ARHGEF18: variants seen among roughly 807,000 people sequenced by gnomAD.
The protein encoded by ARHGEF18 is Rho/Rac guanine nucleotide exchange factor 18.
Under a neutral mutation model 155.7 loss-of-function variants are expected in ARHGEF18, and 93 were observed. That is an observed-to-expected ratio of 0.60 (90% CI 0.50 to 0.71). The LOEUF (loss-of-function observed/expected upper bound fraction) is 0.71, where lower values mean the gene tolerates loss of function less well. Among genes scored for constraint, ARHGEF18 ranks in the 30% least tolerant of loss-of-function variants. ARHGEF18 has a pLI of 0.00. For missense variants in ARHGEF18, 1,593 were observed against 1,816.1 expected (o/e 0.88, Z 2.23); for synonymous variants, 742 against 753.1 (o/e 0.99, Z 0.24).
At chr19:7,461,528 C>T (rs547641810) in intron 20 of ARHGEF18, among the ~76,000 whole-genome samples, 11 of 151,866 alleles carry the variant, frequency 7.2e-5, no homozygotes, top group Non-Finnish European at 1.5e-4. Flanking sequence ...CCAGCCTGGG[C>T]GACAGAGCGA....
intron 27 of ARHGEF18, among the ~76,000 whole-genome samples, chr19:7,469,512 C>T (rs1238756273): frequency 3.3e-5 from 5 of 152,190 alleles, no homozygotes; most frequent in African/African-American, 1.2e-4. Context: ...CAGAGTGGGA[C>T]ACGGAGCCCA....
chr19:7,430,322 C>T (rs993087969), intron 10 of ARHGEF18, among the ~76,000 whole-genome samples: 1 of 152,080 alleles, frequency 6.6e-6, no homozygotes. Flanking sequence ...CTGCCTCAGC[C>T]TCCCGAGTGC....
At chr19:7,428,649 G>C (rs144392340) in intron 10 of ARHGEF18, among the ~76,000 whole-genome samples, 13 of 152,168 alleles carry the variant, frequency 8.5e-5, no homozygotes, top group African/African-American at 3.1e-4. Flanking sequence ...GGAGGCTGCA[G>C]CGAGCTATGA....
At chr19:7,368,603 C>T (rs1425309805) in intron 2 of ARHGEF18, among the ~76,000 whole-genome samples, 1 of 152,200 alleles carries the variant, frequency 6.6e-6, no homozygotes, top group East Asian at 1.9e-4. Context: ...TGGCTCCCAC[C>T]TCTGCCTCCT....
intron 10 of ARHGEF18, among the ~76,000 whole-genome samples, chr19:7,413,718 A>T (rs1425321212): frequency 3.9e-5 from 6 of 152,122 alleles, no homozygotes; most frequent in Non-Finnish European, 7.3e-5. Context: ...CTATGATTAT[A>T]CCACTATACT....
chr19:7,382,943 G>T, intron 9 of ARHGEF18, 49 bp downstream of exon 9: 1 of 1,232,502 alleles, frequency 8.1e-7, no homozygotes, highest in Non-Finnish European at 1.0e-6. Flanking sequence ...CCCCAGCTTG[G>T]CTTGCTGCCC....
intron 10 of ARHGEF18, among the ~76,000 whole-genome samples, chr19:7,399,702 G>A (rs191208382): frequency 3.7e-4 from 56 of 151,186 alleles, no homozygotes; most frequent in Middle Eastern, 3.5e-3. Context: ...GGATGGTCTC[G>A]ATTTCCTGAC....
At chr19:7,412,888 G>A (rs1046075905) in intron 10 of ARHGEF18, among the ~76,000 whole-genome samples, 1 of 152,086 alleles carries the variant, frequency 6.6e-6, no homozygotes, top group Non-Finnish European at 1.5e-5. Context: ...CTTTGGAGAC[G>A]TGTCTGTTTA....
In ARHGEF18 at chr19:7,372,963, G is replaced by C; in HGVS notation, c.167G>C (p.Gly56Ala). 1 of 1,234,592 alleles carries C rather than the reference G, an allele frequency of 8.1e-7. No individual in the cohort carries two copies. Among genetic ancestry groups the C allele is most frequent in the East Asian group, 3.2e-5 (1 of 31,716 alleles). 76.5% of individuals were successfully genotyped at this position (1,234,592 alleles called of 1,614,324 possible). A position where few individuals can be genotyped will look rare whatever the true frequency, so the allele number is the denominator to read the frequency against. The change falls in exon 3 of 29, where the codon GGT (glycine) becomes GCT (alanine). Residue 56 changes from glycine (G) to alanine (A), a missense_variant. By Grantham distance (60) the Gly-to-Ala change is moderately conservative (BLOSUM62 0). Coordinates refer to ENST00000668164, the MANE Select transcript of ARHGEF18 (RefSeq NM_001367823.1). ...PGETPDSRPTGEEPGRDSLFS... is the reference protein window; with the variant it reads ...PGETPDSRPTAEEPGRDSLFS... Reference sequence around the variant, plus strand: ...GAGACCCCAGACAGCCGCCCCACCGGTGAAGAACCAGGAAGAGATTCTCTT... The same window carrying C: ...GAGACCCCAGACAGCCGCCCCACCGCTGAAGAACCAGGAAGAGATTCTCTT...
Position 7,470,202 on chromosome 19 carries a change from A to C in ARHGEF18, c.3990A>C (p.Thr1330=). ...GCTTCTCTCTCAAGGCCGGGGGCAC[A>C]GCCCTCCTGCCCGGGCCCCCAGCTC... ...SEGFSLKAGG[T]ALLPGPPAPS... is the part of the protein sequence containing the mutation. The change falls in exon 29 of 29, where the codon ACA becomes ACC. Residue 1330 remains threonine, a synonymous_variant. Transcript: ENST00000668164. This position sits in a 1 kb window ranked among gnomAD's most constrained non-coding sequence, Gnocchi z 5.9. 1 of 1,610,986 alleles carries C rather than the reference A, an allele frequency of 6.2e-7. No individual in the cohort carries two copies. The highest frequency in any genetic ancestry group is 1.3e-5 in the African/African-American group (1 of 74,916).
At position 7,466,836 on chromosome 19, in the gene ARHGEF18, AAAGAAG is replaced by A. The variant is rs1555729789; in HGVS notation, c.2905-69_2905-64del. ...AAAAAAAAAAAAAAAAGTTAAAAAA[AAAGAAG>A]AAGAAGAAGAAGGCTTGAGTCTAGT... On this transcript the variant is annotated intron_variant, in intron 23 of 28. Transcript: ENST00000668164. 544 of 1,094,898 alleles carry A rather than the reference AAAGAAG, an allele frequency of 5.0e-4. 7 individuals are homozygous for A. The South Asian group carries it at 6.7e-3, about 14-fold the overall frequency. 67.8% of individuals were successfully genotyped at this position (1,094,898 alleles called of 1,614,324 possible). A position where few individuals can be genotyped will look rare whatever the true frequency, so the allele number is the denominator to read the frequency against.
intron 1 of ARHGEF18, among the ~76,000 whole-genome samples, chr19:7,356,834 G>GTAGCAGTGAGTT (rs1225793840): frequency 2.6e-5 from 4 of 152,162 alleles, no homozygotes; most frequent in Non-Finnish European, 5.9e-5. Flanking sequence ...CTTGTTCAAG[G>GTAGCAGTGAGTT]TAGCAGTGAG....
At position 7,467,922 on chromosome 19, in the gene ARHGEF18, T is replaced by TA. The variant is rs11341597; in HGVS notation, c.3480+248dup. 5.9e-4 allele frequency among the ~76,000 whole-genome samples: 89 copies of TA among 151,156 alleles called. No individual in the cohort carries two copies. In the East Asian group the frequency reaches 8.9e-3, roughly 15 times the overall value. On this transcript the variant is annotated intron_variant, in intron 26 of 28. Transcript: ENST00000668164. ...CATGCCATAAATGTTAGAAACTTCT[T>TA]AAAAAAAAAATGCACTCCTGTAATC...
chr19:7,453,367 C>G, intron 16 of ARHGEF18, 100 bp from the exon 17 acceptor site: 1 of 1,349,750 alleles, frequency 7.4e-7, no homozygotes, highest in Non-Finnish European at 9.6e-7. Flanking sequence ...ATAGTGTGTC[C>G]ACACACCTCA....
Position 7,367,803 on chromosome 19 carries a change from CAT to C in ARHGEF18, c.15+4907_15+4908del, listed in dbSNP as rs371053191. 4.0e-5 allele frequency among the ~76,000 whole-genome samples: 4 copies of C among 100,024 alleles called. 1 individual carries two copies. The highest frequency in any genetic ancestry group is 5.0e-3 in the Middle Eastern group (1 of 200). The allele number at this position is 100,024 out of a possible 152,430, so 65.6% of individuals were successfully genotyped here. A position where few individuals can be genotyped will look rare whatever the true frequency, so the allele number is the denominator to read the frequency against. The stretch of plus-strand genomic sequence containing the variant: ...TATATATATTTTATATATATATACA[CAT>C]ATATATATTTTATATATATATACAC... On this transcript the variant is annotated intron_variant, in intron 2 of 28. Coordinates refer to ENST00000668164, the MANE Select transcript of ARHGEF18 (RefSeq NM_001367823.1).
At chr19:7,353,462 C>T (rs1473176226) in intron 1 of ARHGEF18, among the ~76,000 whole-genome samples, 3 of 151,466 alleles carry the variant, frequency 2.0e-5, no homozygotes, top group Non-Finnish European at 4.4e-5. Context: ...TGGTAGCGGG[C>T]GCCTGTAATC....
chr19:7,412,420 C>T (rs1041678976), intron 10 of ARHGEF18, among the ~76,000 whole-genome samples: 13 of 151,828 alleles, frequency 8.6e-5, no homozygotes, highest in Non-Finnish European at 1.0e-4. Context: ...GCCTTCTCAC[C>T]GAGACACTTA....
intron 2 of ARHGEF18, among the ~76,000 whole-genome samples, chr19:7,370,373 G>A (rs1454897071): frequency 6.6e-6 from 1 of 151,990 alleles, no homozygotes; most frequent in Non-Finnish European, 1.5e-5. Flanking sequence ...GCGGGGGCCT[G>A]TAGTCCCAGC....
At chr19:7,459,819 C>T (rs899909997) in intron 19 of ARHGEF18, 84 bp from the exon 20 acceptor site, 17 of 1,142,036 alleles carry the variant, frequency 1.5e-5, no homozygotes, top group East Asian at 5.3e-5. Context: ...ACGGTCGTGG[C>T]GGCTGGTTCT....
Sources: allele counts gnomAD v4.1 joint callset (sites outside exome capture counted in the v4.1 genomes callset), GRCh38; gene constraint gnomAD v4.1.1; non-coding constraint Gnocchi (gnomAD v3.1); transcripts MANE v1.5; gene names NCBI Gene and HGNC (gene_info 2026-07-23, HGNC 2026-07-21).